Variants in NAV3 observed in about 807,000 individuals in gnomAD.
The protein encoded by NAV3 is pore membrane and/or filament interacting like protein 1.
In NAV3, 87 loss-of-function variants were observed where a neutral mutation model predicts 244.7. The ratio of observed to expected loss-of-function variants is 0.36; its 90% confidence interval spans 0.30 to 0.42. The LOEUF (loss-of-function observed/expected upper bound fraction) is 0.42. Ranked by LOEUF, NAV3 falls within the 20% of genes least tolerant of loss-of-function variation. The probability of loss-of-function intolerance (pLI) is 1.00; values close to 1 mark genes in which losing one functional copy is unlikely to be tolerated. For missense variants in NAV3, 2,663 were observed against 2,893.3 expected (o/e 0.92, Z 1.83); for synonymous variants, 1,126 against 1,042.2 (o/e 1.08, Z -1.55).
chr12:77,643,666 T>C (rs1418676012), intron 2 of NAV3, among the ~76,000 whole-genome samples: 1 of 151,830 alleles, frequency 6.6e-6, no homozygotes. Context: ...ATTTATAAAT[T>C]TTTATCCTAT....
chr12:78,037,286 G>A (rs1365721186), intron 9 of NAV3: 1 of 702,994 alleles, frequency 1.4e-6, no homozygotes, highest in South Asian at 1.5e-5. Flanking sequence ...CTGAAGAGGA[G>A]GGAGAAAGCT....
chr12:78,162,255 G>T (rs1313781554), intron 23 of NAV3, among the ~76,000 whole-genome samples: 1 of 152,086 alleles, frequency 6.6e-6, no homozygotes, highest in Non-Finnish European at 1.5e-5. Flanking sequence ...CTGAGAAAAG[G>T]CTTGTGAAGT....
At chr12:77,714,006 A>G (rs1876243056) in intron 2 of NAV3, among the ~76,000 whole-genome samples, 1 of 152,146 alleles carries the variant, frequency 6.6e-6, no homozygotes, top group South Asian at 2.1e-4. Flanking sequence ...CATTTTCTGC[A>G]TAGTAGAAAA....
At chr12:77,895,121 G>A (rs922151482) in intron 1 of NAV3, among the ~76,000 whole-genome samples, 4 of 151,850 alleles carry the variant, frequency 2.6e-5, no homozygotes, top group Non-Finnish European at 5.9e-5. Context: ...AAGGACAGGA[G>A]TGTTTCTTGA....
At chr12:77,779,616 T>C (rs1592676400) in intron 2 of NAV3, among the ~76,000 whole-genome samples, 1 of 152,338 alleles carries the variant, frequency 6.6e-6, no homozygotes, top group African/African-American at 2.4e-5. Context: ...ATTCCAATAA[T>C]TGAAATAAGT....
intron 2 of NAV3, among the ~76,000 whole-genome samples, chr12:77,632,078 G>GAA (rs766518161): frequency 0.28 from 42,800 of 151,794 alleles, 7,686 homozygotes; most frequent in African/African-American, 0.5. Flanking sequence ...GTTGAGGTGG[G>GAA]TTCATATTCA....
chr12:77,653,927 A>G (rs1872943826), intron 2 of NAV3, among the ~76,000 whole-genome samples: 1 of 152,038 alleles, frequency 6.6e-6, no homozygotes, highest in Non-Finnish European at 1.5e-5. Context: ...AAGAAAAAGC[A>G]TGCAGATACC....
chr12:77,606,613 G>C (rs979257474), intron 2 of NAV3, among the ~76,000 whole-genome samples: 1 of 152,082 alleles, frequency 6.6e-6, no homozygotes, highest in Non-Finnish European at 1.5e-5. Flanking sequence ...TCTGTTATAT[G>C]TATATGTATG....
chr12:78,172,063 G>T (rs1332078949), intron 24 of NAV3, among the ~76,000 whole-genome samples: 1 of 151,490 alleles, frequency 6.6e-6, no homozygotes, highest in Non-Finnish European at 1.5e-5. Context: ...TTACCCTGTG[G>T]TCATGGAGCT....
chr12:77,735,778 A>C (rs187984267), intron 2 of NAV3, among the ~76,000 whole-genome samples: 1 of 152,316 alleles, frequency 6.6e-6, no homozygotes, highest in East Asian at 1.9e-4. Context: ...TTATATCTCC[A>C]AACACTTCCC....
chr12:77,870,162 C>T (rs566392845), intron 1 of NAV3, among the ~76,000 whole-genome samples: 3 of 151,954 alleles, frequency 2.0e-5, no homozygotes, highest in African/African-American at 4.8e-5. Context: ...GCCAAGAGAT[C>T]GAGACCATCC....
At chr12:77,753,243 G>T (rs560993784) in intron 2 of NAV3, among the ~76,000 whole-genome samples, 3 of 152,196 alleles carry the variant, frequency 2.0e-5, no homozygotes, top group East Asian at 3.9e-4. Flanking sequence ...TAGAATCTAC[G>T]CAGTGAAGAA....
intron 35 of NAV3, 47 bp from the exon 36 acceptor site, chr12:78,198,558 C>A: frequency 9.1e-7 from 1 of 1,095,244 alleles, no homozygotes; most frequent in South Asian, 1.4e-5. Context: ...ATGAATTAAT[C>A]ACTTTTACCT....
chr12:77,750,853 T>C (rs1324024035), intron 2 of NAV3, among the ~76,000 whole-genome samples: 2 of 152,196 alleles, frequency 1.3e-5, no homozygotes, highest in Non-Finnish European at 2.9e-5. Flanking sequence ...TCACAGCAAG[T>C]GATAATCAAT....
chr12:77,593,307 C>A (rs1366924385), intron 2 of NAV3, among the ~76,000 whole-genome samples: 1 of 135,660 alleles, frequency 7.4e-6, no homozygotes, highest in Non-Finnish European at 1.6e-5. Flanking sequence ...TGTGTGTATT[C>A]CTTAGGGTTT....
intron 9 of NAV3, among the ~76,000 whole-genome samples, chr12:78,038,762 T>C (rs1415483821): frequency 1.3e-5 from 2 of 152,182 alleles, no homozygotes; most frequent in African/African-American, 4.8e-5. Flanking sequence ...CCTCTGAAAC[T>C]GTAGAATCAG....
intron 2 of NAV3, among the ~76,000 whole-genome samples, chr12:77,688,300 A>G (rs1355171169): frequency 1.3e-5 from 2 of 152,090 alleles, no homozygotes; most frequent in African/African-American, 2.4e-5. Context: ...CTTCAAAAAG[A>G]CTACCCCTGA....
chr12:77,994,912 G>A (rs956839759), intron 6 of NAV3, 41 bp downstream of exon 6: 3 of 1,344,408 alleles, frequency 2.2e-6, no homozygotes, highest in African/African-American at 2.9e-5. Context: ...TTAGTGATAT[G>A]CAAATAAATA....
intron 1 of NAV3, among the ~76,000 whole-genome samples, chr12:77,919,751 C>T (rs1472145111): frequency 6.6e-6 from 1 of 151,998 alleles, no homozygotes; most frequent in East Asian, 1.9e-4. Flanking sequence ...TGCATGTACA[C>T]TGCTCTCAAT....
Sources: allele counts gnomAD v4.1 joint callset (sites outside exome capture counted in the v4.1 genomes callset), GRCh38; gene constraint gnomAD v4.1.1; transcripts MANE v1.5; gene names NCBI Gene and HGNC (gene_info 2026-07-23, HGNC 2026-07-21).